Variants in SCNN1B observed in about 807,000 individuals in gnomAD.
SCNN1B encodes the protein epithelial sodium channel subunit beta.
Under a neutral mutation model 65.3 loss-of-function variants are expected in SCNN1B, and 46 were observed. That is an observed-to-expected ratio of 0.70 (90% confidence interval 0.56 to 0.90). The LOEUF (loss-of-function observed/expected upper bound fraction) is 0.90. SCNN1B is among the 40% of genes least tolerant of loss of function. The pLI is 0.00. For synonymous variants in SCNN1B, 349 were observed against 330.6 expected, an observed-to-expected ratio of 1.06 and a Z score of -0.60; for missense variants, 751 against 830.5, an observed-to-expected ratio of 0.90 and a Z score of 1.18.
chr16:23,280,738 T>C (rs1191705424), intron 1 of SCNN1B, among the ~76,000 whole-genome samples: 1 of 152,218 alleles, frequency 6.6e-6, no homozygotes, highest in Non-Finnish European at 1.5e-5. Flanking sequence ...GAAGGTGTGG[T>C]CTGGGTTCCC....
intron 1 of SCNN1B, among the ~76,000 whole-genome samples, chr16:23,317,224 GGT>G (rs1386402949): frequency 1.3e-5 from 2 of 152,236 alleles, no homozygotes; most frequent in African/African-American, 4.8e-5. Context: ...ACAGGGCTGT[GGT>G]AAGAGGCACA....
At chr16:23,336,082 C>T (rs1029985490) in intron 1 of SCNN1B, among the ~76,000 whole-genome samples, 6 of 152,116 alleles carry the variant, frequency 3.9e-5, no homozygotes, top group Non-Finnish European at 4.4e-5. Flanking sequence ...TCAGGTGCCC[C>T]GTCTGAGCTA....
At chr16:23,303,064 A>G (rs1380669148) in intron 1 of SCNN1B, among the ~76,000 whole-genome samples, 2 of 152,188 alleles carry the variant, frequency 1.3e-5, no homozygotes, top group African/African-American at 2.4e-5. Context: ...GGAGGAGGCC[A>G]GATCCGAACG....
At chr16:23,378,788 G>C in intron 11 of SCNN1B, 21 bp downstream of exon 11, 2 of 1,613,114 alleles carry the variant, frequency 1.2e-6, no homozygotes, top group Non-Finnish European at 8.5e-7. Context: ...GCCTGGGCGG[G>C]GCTGGGGAAG....
intron 7 of SCNN1B, 126 bp from the exon 8 acceptor site, chr16:23,375,612 C>A (rs1221064124): frequency 2.6e-6 from 2 of 777,646 alleles, no homozygotes; most frequent in Non-Finnish European, 4.7e-6. Context: ...AGCCCTGGAG[C>A]ACCTCCACCA....
intron 5 of SCNN1B, among the ~76,000 whole-genome samples, chr16:23,368,374 T>TAA (rs577397884): frequency 6.7e-6 from 1 of 148,762 alleles, no homozygotes; most frequent in Non-Finnish European, 1.5e-5. Flanking sequence ...CCCCATCTCT[T>TAA]AAAAAAAAAA....
intron 4 of SCNN1B, among the ~76,000 whole-genome samples, chr16:23,357,027 C>A (rs1267108389): frequency 6.6e-6 from 1 of 152,236 alleles, no homozygotes; most frequent in Non-Finnish European, 1.5e-5. Flanking sequence ...GTATGCCACA[C>A]CCACCTCGGC....
chr16:23,336,508 A>C (rs1483600035), intron 1 of SCNN1B, among the ~76,000 whole-genome samples: 1 of 151,980 alleles, frequency 6.6e-6, no homozygotes, highest in Admixed American at 6.6e-5. Flanking sequence ...AGTAGCTGAG[A>C]CCACAGATGC....
In SCNN1B at chr16:23,380,540, G is replaced by A. The variant is rs370027083; in HGVS notation, c.1662G>A (p.Lys554=). The part of the protein sequence containing the change: ...IIDFVWITII[K]LVALAKSLRQ... ...ACTTTGTGTGGATCACCATCATCAA[G>A]CTGGTGGCCTTGGCCAAGAGCCTAC... Residue 554 remains lysine (K), a synonymous_variant, in exon 13 of 13, where the codon AAG becomes AAA. Transcript: ENST00000343070. The surrounding 1 kb of genome is among the most constrained non-coding windows in gnomAD (Gnocchi z 5.4). The A allele has an allele frequency of 1.9e-6, 3 of 1,614,210 alleles. No individual in the cohort carries two copies. Among genetic ancestry groups the A allele is most frequent in the East Asian group, 4.5e-5 (2 of 44,866 alleles).
chr16:23,335,822 G>C (rs1017277720), intron 1 of SCNN1B, among the ~76,000 whole-genome samples: 1 of 151,844 alleles, frequency 6.6e-6, no homozygotes. Flanking sequence ...TCACTTAACT[G>C]TATATATTGA....
At chr16:23,365,575 GAA>G (rs1227268038) in intron 4 of SCNN1B, among the ~76,000 whole-genome samples, 1 of 85,266 alleles carries the variant, frequency 1.2e-5, no homozygotes, top group African/African-American at 9.7e-5. Context: ...AAGAAAGAAA[GAA>G]AGAAAGAAAG....
intron 1 of SCNN1B, among the ~76,000 whole-genome samples, chr16:23,343,550 A>C (rs373055690): frequency 1.4e-5 from 2 of 141,012 alleles, no homozygotes; most frequent in Admixed American, 7.0e-5. Context: ...GAGGGAGGGA[A>C]GGAAGGAAGG....
intron 1 of SCNN1B, among the ~76,000 whole-genome samples, chr16:23,305,638 A>G (rs1352460340): frequency 3.6e-5 from 5 of 140,064 alleles, no homozygotes; most frequent in African/African-American, 1.3e-4. Flanking sequence ...TCCCAGCTAC[A>G]GGGGAAGCTG....
At chr16:23,338,066 C>T (rs1961980655) in intron 1 of SCNN1B, among the ~76,000 whole-genome samples, 1 of 151,798 alleles carries the variant, frequency 6.6e-6, no homozygotes, top group Admixed American at 6.6e-5. Context: ...AGTGAGACTC[C>T]GTGTCAAAAA....
intron 4 of SCNN1B, among the ~76,000 whole-genome samples, chr16:23,364,841 T>C (rs1004442433): frequency 1.3e-5 from 2 of 151,874 alleles, no homozygotes; most frequent in Admixed American, 6.6e-5. Flanking sequence ...AATACAAAAA[T>C]TAGGCCAGGC....
chr16:23,339,401 C>T (rs1229391961), intron 1 of SCNN1B, among the ~76,000 whole-genome samples: 1 of 123,412 alleles, frequency 8.1e-6, no homozygotes, highest in East Asian at 2.3e-4. Flanking sequence ...CATATGATAA[C>T]TGTTCATTTA....
chr16:23,345,691 G>A (rs1176983853), intron 1 of SCNN1B, among the ~76,000 whole-genome samples: 1 of 152,202 alleles, frequency 6.6e-6, no homozygotes, highest in Non-Finnish European at 1.5e-5. Flanking sequence ...GCTAAGAGGA[G>A]AGATCAGCCT....
At chr16:23,341,028 C>T (rs1785641368) in intron 1 of SCNN1B, among the ~76,000 whole-genome samples, 1 of 152,088 alleles carries the variant, frequency 6.6e-6, no homozygotes, top group African/African-American at 2.4e-5. Flanking sequence ...AAAAATTCTG[C>T]TAGGATTTTG....
At chr16:23,323,673 C>A (rs1011254349) in intron 1 of SCNN1B, 2 of 696,262 alleles carry the variant, frequency 2.9e-6, no homozygotes, top group Non-Finnish European at 5.2e-6. Context: ...AAGGAAAGTG[C>A]AAGGAATTAA....
Sources: allele counts gnomAD v4.1 joint callset (sites outside exome capture counted in the v4.1 genomes callset), GRCh38; gene constraint gnomAD v4.1.1; non-coding constraint Gnocchi (gnomAD v3.1); transcripts MANE v1.5; gene names NCBI Gene and HGNC (gene_info 2026-07-23, HGNC 2026-07-21).